The following LNX2 variants were observed in gnomAD, a reference collection of about 807,000 sequenced individuals.
LNX2 encodes the protein ligand of numb-protein X 2.
LNX2 carries 35 observed loss-of-function variants against 66.2 expected under a neutral mutation model. The ratio of observed to expected loss-of-function variants is 0.53; its 90% CI spans 0.40 to 0.70. The LOEUF (loss-of-function observed/expected upper bound fraction) is 0.70, where lower values mean the gene tolerates loss of function less well. Ranked by LOEUF, LNX2 falls within the 30% of genes least tolerant of loss-of-function variation. The pLI, the probability that LNX2 is intolerant of heterozygous loss-of-function variation, is 0.00. For missense variants in LNX2, 791 were observed against 850.8 expected, an observed-to-expected ratio of 0.93 and a Z score of 0.87; for synonymous variants, 337 against 315.6, an observed-to-expected ratio of 1.07 and a Z score of -0.72.
intron 1 of LNX2, among the ~76,000 whole-genome samples, chr13:27,613,979 A>C (rs2138486910): frequency 6.6e-6 from 1 of 152,344 alleles, no homozygotes; most frequent in East Asian, 1.9e-4. Flanking sequence ...ATCAGATAGA[A>C]GTAAAACTGC....
chr13:27,616,181 G>C (rs796484919), intron 1 of LNX2, among the ~76,000 whole-genome samples: 3 of 138,946 alleles, frequency 2.2e-5, no homozygotes, highest in African/African-American at 8.5e-5. Flanking sequence ...GGGTGGGGTG[G>C]GGGGTTGGGG....
Position 27,581,561 on chromosome 13 carries a change from A to G in LNX2, c.143T>C (p.Leu48Pro). The G allele has an allele frequency of 6.2e-7, 1 of 1,614,226 alleles. No individual in the cohort carries two copies. Among genetic ancestry groups the G allele is most frequent in the Non-Finnish European group, 8.5e-7 (1 of 1,180,032 alleles). Residue 48 changes from leucine to proline, a missense_variant, in exon 2 of 10, where the codon CTA becomes CCA. Leu to Pro is a moderately conservative substitution (Grantham distance 98). Coordinates refer to ENST00000316334, the MANE Select transcript of LNX2 (RefSeq NM_153371.4). ...YNYQNEVDDD[L>P]VCHICLQPLL... ...AGGTTGAAGGCAAATATGGCAGACT[A>G]GGTCATCATCCACTTCATTCTGGTA...
rs1392310479 is a variant in LNX2 at position 27,575,855 on chromosome 13, A to C, written c.407+5442T>G. Reference sequence around the variant, plus strand: ...AACCACTAAGAAAATAATTTTAATTAAGAGAAATGACACGGGAATTAAAAT... The same window carrying C: ...AACCACTAAGAAAATAATTTTAATTCAGAGAAATGACACGGGAATTAAAAT... On this transcript the variant is annotated intron_variant, in intron 2 of 9. Transcript: ENST00000316334. Among the ~76,000 whole-genome samples, 3 of 152,232 alleles carry C rather than the reference A, an allele frequency of 2.0e-5. No homozygotes were observed. In the East Asian group the frequency reaches 5.8e-4, roughly 29 times the overall value.
intron 1 of LNX2, among the ~76,000 whole-genome samples, chr13:27,605,974 C>G (rs1381668990): frequency 6.6e-6 from 1 of 152,060 alleles, no homozygotes; most frequent in Non-Finnish European, 1.5e-5. Flanking sequence ...ACCACCTCTC[C>G]CACACCCCTT....
intron 9 of LNX2, among the ~76,000 whole-genome samples, chr13:27,549,457 G>T (rs1349915242): frequency 1.3e-5 from 2 of 152,152 alleles, no homozygotes; most frequent in Non-Finnish European, 2.9e-5. Context: ...TGTACACTGA[G>T]CGAGGACTTT....
intron 8 of LNX2, among the ~76,000 whole-genome samples, chr13:27,551,132 T>C (rs1319249474): frequency 6.6e-6 from 1 of 152,040 alleles, no homozygotes; most frequent in Non-Finnish European, 1.5e-5. Context: ...TTTTTTTCTA[T>C]CATAGACAAG....
rs1955434815 is a variant in LNX2, at chr13:27,583,235, TGTGTGTGTGTGTGTGTGTGTGC to T, written c.-100-1454_-100-1433del. ...GTGTGTGTGTGTGTGTGTGTGTGTG[TGTGTGTGTGTGTGTGTGTGTGC>T]GCGCGTCCTCTCCAACATACTTATT... On this transcript the variant is annotated intron_variant, in intron 1 of 9. Coordinates refer to ENST00000316334, the MANE Select transcript of LNX2 (RefSeq NM_153371.4). 1.2e-4 allele frequency among the ~76,000 whole-genome samples: 2 copies of T among 17,162 alleles called. 1 individual carries two copies. The highest frequency in any genetic ancestry group is 5.9e-4 in the African/African-American group (2 of 3,374). 11.3% of individuals were successfully genotyped at this position (17,162 alleles called of 152,430 possible).
intron 4 of LNX2, among the ~76,000 whole-genome samples, chr13:27,566,391 T>G (rs559257188): frequency 3.3e-5 from 5 of 152,308 alleles, no homozygotes; most frequent in African/African-American, 1.2e-4. Context: ...TGCTCTGAAA[T>G]GTACCACCAG....
At position 27,569,276 on chromosome 13, in the gene LNX2, T is replaced by C. The variant is rs370971924; in HGVS notation, c.408A>G (p.Arg136=). The C allele has an allele frequency of 1.0e-5, 16 of 1,606,386 alleles. No homozygotes were observed. In the East Asian group the frequency reaches 3.3e-4, roughly 34 times the overall value. ...RCDLEAHLKN[R]CPGASHRRVA... Reference sequence around the variant, plus strand: ...CTCTCCGATGAGAAGCTCCAGGACATCTAGAAAAAGAATATCAGATGGTTT... The same window carrying C: ...CTCTCCGATGAGAAGCTCCAGGACACCTAGAAAAAGAATATCAGATGGTTT... The change falls in exon 3 of 10, where the codon AGA becomes AGG. Residue 136 remains arginine, a splice_region_variant and synonymous_variant. Transcript: ENST00000316334.
At chr13:27,609,896 C>T (rs1181807343) in intron 1 of LNX2, among the ~76,000 whole-genome samples, 4 of 152,158 alleles carry the variant, frequency 2.6e-5, no homozygotes, top group Non-Finnish European at 4.4e-5. Flanking sequence ...AAATGTACTA[C>T]ATATACCGGA....
At position 27,562,437 on chromosome 13, in the gene LNX2, C is replaced by T. The variant is rs377695945; in HGVS notation, c.1200G>A (p.Pro400=). The part of the protein sequence containing the change: ...INGHDLKYGT[P]ELAAQIIQAS... Reference sequence around the variant, plus strand: ...CCTGAATAATCTGGGCAGCAAGCTCCGGAGTTCCATACTTCAGGTCGTGCC... The same window carrying T: ...CCTGAATAATCTGGGCAGCAAGCTCTGGAGTTCCATACTTCAGGTCGTGCC... The change falls in exon 5 of 10, where the codon CCG becomes CCA. Residue 400 remains proline, a synonymous_variant. Transcript: ENST00000316334. 26 of 1,613,746 alleles carry T rather than the reference C, an allele frequency of 1.6e-5. No individual in the cohort carries two copies. Among genetic ancestry groups the T allele is most frequent in the Admixed American group, 6.7e-5 (4 of 59,956 alleles).
rs1194581391 is a variant in LNX2 at position 27,547,252 on chromosome 13, AAAACTACTTCAAAAT to A, written c.*1068_*1082del. ...CAACTCTAGAAATAATTTTTTAGCAAAAACTACTTCAAAATTTCCCTACATAGCAAAACATTCCTC... is the reference window on the plus strand; with the variant it reads ...CAACTCTAGAAATAATTTTTTAGCAATTCCCTACATAGCAAAACATTCCTC... On this transcript the variant is annotated 3_prime_UTR_variant, in exon 10 of 10. Coordinates refer to ENST00000316334, the MANE Select transcript of LNX2 (RefSeq NM_153371.4). 2 of 152,194 alleles carry A rather than the reference AAAACTACTTCAAAAT, an allele frequency of 1.3e-5. No homozygotes were observed. The highest frequency in any genetic ancestry group is 6.5e-5 in the Admixed American group (1 of 15,288). The allele number at this position is 152,194 out of a possible 1,614,324, so 9.4% of individuals were successfully genotyped here. A position where few individuals can be genotyped will look rare whatever the true frequency, so the allele number is the denominator to read the frequency against.
chr13:27,549,403 A>G (rs538858233), intron 9 of LNX2, among the ~76,000 whole-genome samples: 1 of 149,546 alleles, frequency 6.7e-6, no homozygotes, highest in Admixed American at 6.7e-5. Flanking sequence ...TTGCCATGAC[A>G]CCTTCTCTTT....
At chr13:27,595,996 G>A (rs1431443119) in intron 1 of LNX2, among the ~76,000 whole-genome samples, 1 of 152,164 alleles carries the variant, frequency 6.6e-6, no homozygotes, top group East Asian at 1.9e-4. Context: ...GGAACAAGTA[G>A]GTGGCTTCAG....
chr13:27,574,134 C>T (rs7989021), intron 2 of LNX2, among the ~76,000 whole-genome samples: 87,354 of 152,058 alleles, frequency 0.57, 25,633 homozygotes, highest in African/African-American at 0.68. Flanking sequence ...AAGAACCAAA[C>T]AGAAATTCTG....
rs1361261308 is a variant in LNX2, at chr13:27,560,580, T to TATATATATATATATATATATATATAC, written c.1225-596_1225-595insGTATATATATATATATATATATATAT. On this transcript the variant is annotated intron_variant, in intron 5 of 9. Coordinates refer to ENST00000316334, the MANE Select transcript of LNX2 (RefSeq NM_153371.4). ...ATGTATGTGTGTATATATATATATATATATAGCATACTTGTGTGAATGTGA... is the reference window on the plus strand; with the variant it reads ...ATGTATGTGTGTATATATATATATATATATATATATATATATATATATATACATATAGCATACTTGTGTGAATGTGA... Among the ~76,000 whole-genome samples the TATATATATATATATATATATATATAC allele has an allele frequency of 1.0e-4, 15 of 147,748 alleles. 1 individual carries two copies. Among genetic ancestry groups the TATATATATATATATATATATATATAC allele is most frequent in the African/African-American group, 3.6e-4 (14 of 39,236 alleles).
Position 27,581,327 on chromosome 13 carries a change from C to A in LNX2, c.377G>T (p.Arg126Leu). Reference sequence around the variant, plus strand: ...TTTGAGATGTGCCTCCAGATCACAACGTTGCATTACATCTTTGCACACTGA... The same window carrying A: ...TTTGAGATGTGCCTCCAGATCACAAAGTTGCATTACATCTTTGCACACTGA... ...FSSVCKDVMQ[R>L]CDLEAHLKNR... Residue 126 changes from arginine (R) to leucine (L), a missense_variant, in exon 2 of 10, where the codon CGT (arginine) becomes CTT (leucine). Coordinates refer to ENST00000316334, the MANE Select transcript of LNX2 (RefSeq NM_153371.4). 6.6e-7 allele frequency: 1 copy of A among 1,511,454 alleles called. No homozygotes were observed. Among genetic ancestry groups the A allele is most frequent in the Non-Finnish European group, 8.9e-7 (1 of 1,127,570 alleles). The allele number at this position is 1,511,454 out of a possible 1,614,324, so 93.6% of individuals were successfully genotyped here. A position where few individuals can be genotyped will look rare whatever the true frequency, so the allele number is the denominator to read the frequency against.
chr13:27,619,553 G>A lies in LNX2; in HGVS notation c.-101+822C>T, dbSNP rs1266920506. ...GTGTTCCTCCTCCTGCACCGCCACC[G>A]CTTTTCACTCAACTTTGTTTCTGAT... On this transcript the variant is annotated intron_variant, in intron 1 of 9. Transcript: ENST00000316334. Among the ~76,000 whole-genome samples the A allele has an allele frequency of 2.0e-5, 3 of 152,246 alleles. No homozygotes were observed. In the East Asian group the frequency reaches 5.8e-4, roughly 29 times the overall value.
rs373386821 is a variant in LNX2, at chr13:27,593,734, T to TTGTG, written c.-100-11935_-100-11932dup. Among the ~76,000 whole-genome samples, 739 of 143,916 alleles carry TTGTG rather than the reference T, an allele frequency of 5.1e-3. 5 individuals carry two copies. The highest frequency in any genetic ancestry group is 0.01 in the African/African-American group (402 of 38,376). 94.4% of individuals were successfully genotyped at this position (143,916 alleles called of 152,430 possible). A position where few individuals can be genotyped will look rare whatever the true frequency, so the allele number is the denominator to read the frequency against. ...AGGCGCCCACCACCACGCCTGGTTT[T>TTGTG]TGTGTGTGTGTGTGTGTGTGTTCTT... On this transcript the variant is annotated intron_variant, in intron 1 of 9. Transcript: ENST00000316334.
Sources: allele counts gnomAD v4.1 joint callset (sites outside exome capture counted in the v4.1 genomes callset), GRCh38; gene constraint gnomAD v4.1.1; transcripts MANE v1.5; gene names NCBI Gene and HGNC (gene_info 2026-07-23, HGNC 2026-07-21).